ASAP1: variants seen among roughly 807,000 people sequenced by gnomAD.
The protein encoded by ASAP1 is ArfGAP with SH3 domain, ankyrin repeat and PH domain 1.
ASAP1 carries 43 observed loss-of-function variants against 145.2 expected under a neutral mutation model. The ratio of observed to expected loss-of-function variants is 0.30; its 90% CI spans 0.23 to 0.38. The LOEUF (loss-of-function observed/expected upper bound fraction) is 0.38, where lower values mean the gene tolerates loss of function less well. Among genes scored for constraint, ASAP1 ranks in the 10% least tolerant of loss-of-function variants. The pLI, the probability that ASAP1 is intolerant of heterozygous loss-of-function variation, is 1.00. For synonymous variants in ASAP1, 546 were observed against 515.5 expected (o/e 1.06, Z -0.80); for missense variants, 1,018 against 1,355.3 (o/e 0.75, Z 3.91).
chr8:130,323,867 C>G (rs895087662), intron 3 of ASAP1, among the ~76,000 whole-genome samples: 1 of 151,514 alleles, frequency 6.6e-6, no homozygotes, highest in Non-Finnish European at 1.5e-5. Flanking sequence ...GATTACCAGG[C>G]ATTAAAAAAA....
chr8:130,152,858 A>G, intron 12 of ASAP1, 53 bp from the exon 13 acceptor site: 4 of 1,346,594 alleles, frequency 3.0e-6, no homozygotes, highest in Non-Finnish European at 4.2e-6. Context: ...ACTCTGGGAC[A>G]TGCGACGATA....
At chr8:130,416,473 C>A (rs76011355) in intron 1 of ASAP1, among the ~76,000 whole-genome samples, 3 of 152,172 alleles carry the variant, frequency 2.0e-5, no homozygotes, top group Admixed American at 2.0e-4. Context: ...TCCCAGCTGC[C>A]GACCAGTCAA....
intron 2 of ASAP1, among the ~76,000 whole-genome samples, chr8:130,389,770 G>A (rs762675040): frequency 1.3e-5 from 2 of 152,190 alleles, no homozygotes; most frequent in Middle Eastern, 3.4e-3. Context: ...GCACAGTCAC[G>A]GCTCACTGCG....
intron 3 of ASAP1, among the ~76,000 whole-genome samples, chr8:130,276,028 A>G (rs2137121297): frequency 6.6e-6 from 1 of 152,340 alleles, no homozygotes; most frequent in East Asian, 1.9e-4. Flanking sequence ...CCAAGTTTCA[A>G]AAAGGCAAGC....
intron 3 of ASAP1, among the ~76,000 whole-genome samples, chr8:130,278,071 GAA>G (rs200810772): frequency 3.7e-5 from 4 of 108,220 alleles, no homozygotes; most frequent in African/African-American, 1.0e-4. Context: ...TTGAAAACCA[GAA>G]AAAAAAAAAA....
intron 24 of ASAP1, among the ~76,000 whole-genome samples, chr8:130,100,659 A>G (rs1276823144): frequency 1.3e-5 from 2 of 152,146 alleles, no homozygotes; most frequent in East Asian, 3.9e-4. Context: ...ATGTCTGTTC[A>G]GATCCTTTGC....
At chr8:130,136,642 C>G (rs1471028956) in intron 14 of ASAP1, among the ~76,000 whole-genome samples, 4 of 149,830 alleles carry the variant, frequency 2.7e-5, no homozygotes, top group African/African-American at 4.9e-5. Context: ...TGGGAATATA[C>G]TAAGAAACAT....
chr8:130,224,646 T>A (rs1437428809), intron 4 of ASAP1, among the ~76,000 whole-genome samples: 1 of 152,168 alleles, frequency 6.6e-6, no homozygotes, highest in Non-Finnish European at 1.5e-5. Flanking sequence ...CTTGCTTTTT[T>A]CCTATGGAAT....
chr8:130,317,473 G>A (rs896234323), intron 3 of ASAP1, among the ~76,000 whole-genome samples: 2 of 152,192 alleles, frequency 1.3e-5, no homozygotes, highest in African/African-American at 2.4e-5. Flanking sequence ...ATTCCAGATG[G>A]AGTAGTTCAA....
intron 3 of ASAP1, among the ~76,000 whole-genome samples, chr8:130,238,065 TG>T (rs1818316777): frequency 6.6e-6 from 1 of 152,138 alleles, no homozygotes. Context: ...AGTACTTCCC[TG>T]AAGAAGCCGA....
Position 130,076,530 on chromosome 8 carries a change from C to CA in ASAP1, c.2643-125_2643-124insT, listed in dbSNP as rs1554817332. On this transcript the variant is annotated intron_variant, in intron 26 of 29. Coordinates refer to ENST00000518721, the MANE Select transcript of ASAP1 (RefSeq NM_018482.4). Reference sequence around the variant, plus strand: ...ATCTAAAGAATGCTTTCAAAATTTCCTTTTTTTTTGAGATGGAGTCTCCCT... The same window carrying CA: ...ATCTAAAGAATGCTTTCAAAATTTCCATTTTTTTTTGAGATGGAGTCTCCCT... 232 of 755,952 alleles carry CA rather than the reference C, an allele frequency of 3.1e-4. 1 individual carries two copies. The South Asian group carries it at 4.3e-3, about 14-fold the overall frequency. The allele number at this position is 755,952 out of a possible 1,614,324, so 46.8% of individuals were successfully genotyped here.
At chr8:130,300,147 CACACACAG>C (rs1387856676) in intron 3 of ASAP1, among the ~76,000 whole-genome samples, 128 of 100,294 alleles carry the variant, frequency 1.3e-3, no homozygotes, top group East Asian at 8.3e-3. Context: ...CACACACACA[CACACACAG>C]AGAGAGAGAG....
intron 1 of ASAP1, among the ~76,000 whole-genome samples, chr8:130,405,397 A>G (rs7828824): frequency 0.33 from 49,535 of 152,080 alleles, 8,842 homozygotes; most frequent in African/African-American, 0.46. Context: ...ATAAATCATA[A>G]AAGGGTCTTG....
chr8:130,402,063 A>G, intron 1 of ASAP1, 93 bp from the exon 2 acceptor site: 1 of 768,458 alleles, frequency 1.3e-6, no homozygotes, highest in African/African-American at 1.7e-5. Flanking sequence ...TTTCATATGG[A>G]GGCTGCACCT....
chr8:130,181,763 C>G (rs1439305079), intron 7 of ASAP1, among the ~76,000 whole-genome samples: 1 of 152,182 alleles, frequency 6.6e-6, no homozygotes, highest in Non-Finnish European at 1.5e-5. Context: ...AGATGATACT[C>G]TGGTAATAAT....
intron 29 of ASAP1, among the ~76,000 whole-genome samples, chr8:130,057,164 T>C (rs1388060545): frequency 6.6e-6 from 1 of 152,224 alleles, no homozygotes; most frequent in Non-Finnish European, 1.5e-5. Flanking sequence ...GTCTGAGGAC[T>C]TGTCAACTGC....
intron 11 of ASAP1, among the ~76,000 whole-genome samples, chr8:130,163,742 T>C (rs145703543): frequency 6.6e-6 from 1 of 152,364 alleles, no homozygotes; most frequent in East Asian, 1.9e-4. Flanking sequence ...AAATAGGTTC[T>C]GAATCCTTTG....
chr8:130,326,255 G>A (rs1305294647), intron 3 of ASAP1, among the ~76,000 whole-genome samples: 1 of 152,178 alleles, frequency 6.6e-6, no homozygotes, highest in Non-Finnish European at 1.5e-5. Context: ...GCATGCTCAC[G>A]TACAAAAGAA....
chr8:130,200,392 A>T (rs544809183), intron 5 of ASAP1, among the ~76,000 whole-genome samples: 7 of 152,174 alleles, frequency 4.6e-5, no homozygotes, highest in Non-Finnish European at 1.0e-4. Context: ...TCCTTTCTCC[A>T]AACCCTGCAC....
Sources: gnomAD v4.1 joint callset for allele counts (sites outside exome capture counted in the v4.1 genomes callset) on GRCh38, gnomAD v4.1.1 for gene constraint, MANE v1.5 for transcripts, NCBI Gene and HGNC (gene_info 2026-07-23, HGNC 2026-07-21) for gene names.